Variants in NALF1 observed in about 807,000 individuals in gnomAD.
The protein encoded by NALF1 is family with sequence similarity 155 member A.
Under a neutral mutation model 48.4 loss-of-function variants are expected in NALF1, and 3 were observed. The observed-to-expected ratio is 0.06, with a 90% CI of 0.03 to 0.16. NALF1 has a LOEUF of 0.16. Among genes scored for constraint, NALF1 ranks in the 10% least tolerant of loss-of-function variants. The probability of loss-of-function intolerance (pLI) is 1.00; values close to 1 mark genes in which losing one functional copy is unlikely to be tolerated. For synonymous variants in NALF1, 262 were observed against 245.7 expected, an observed-to-expected ratio of 1.07 and a Z score of -0.62; for missense variants, 526 against 571.5, an observed-to-expected ratio of 0.92 and a Z score of 0.81.
At chr13:107,679,724 T>C (rs2138494018) in intron 1 of NALF1, among the ~76,000 whole-genome samples, 1 of 152,210 alleles carries the variant, frequency 6.6e-6, no homozygotes, top group African/African-American at 2.4e-5. Context: ...CCTTCCCTGG[T>C]GCCTCCATTT....
At chr13:107,325,781 T>C (rs1014875849) in intron 1 of NALF1, among the ~76,000 whole-genome samples, 2 of 147,160 alleles carry the variant, frequency 1.4e-5, no homozygotes, top group Admixed American at 1.4e-4. Flanking sequence ...GCGGAAGTTG[T>C]AGTGAAGCAA....
intron 1 of NALF1, among the ~76,000 whole-genome samples, chr13:107,471,516 T>C (rs1031521829): frequency 2.6e-5 from 4 of 152,110 alleles, no homozygotes; most frequent in African/African-American, 9.7e-5. Context: ...TTGTGGGACT[T>C]ATTTAGAAAG....
At chr13:107,453,265 T>A (rs1884772440) in intron 1 of NALF1, among the ~76,000 whole-genome samples, 1 of 152,216 alleles carries the variant, frequency 6.6e-6, no homozygotes, top group Admixed American at 6.5e-5. Context: ...AGGTTCTCCA[T>A]GAGGGCTCCG....
chr13:107,829,127 C>T (rs1466110605), intron 1 of NALF1, among the ~76,000 whole-genome samples: 1 of 152,154 alleles, frequency 6.6e-6, no homozygotes, highest in Non-Finnish European at 1.5e-5. Context: ...GAAAGAAAGG[C>T]ATATGAAATA....
At chr13:107,641,446 G>A (rs1041790950) in intron 1 of NALF1, among the ~76,000 whole-genome samples, 2 of 151,956 alleles carry the variant, frequency 1.3e-5, no homozygotes, top group Non-Finnish European at 2.9e-5. Context: ...TTGAGGTGAT[G>A]GATAAGTCCA....
At chr13:107,438,856 A>AAAAT (rs1555301014) in intron 1 of NALF1, among the ~76,000 whole-genome samples, 1 of 130,360 alleles carries the variant, frequency 7.7e-6, no homozygotes, top group African/African-American at 2.7e-5. Flanking sequence ...AAAAAAGAAT[A>AAAAT]ATATAAAGGG....
intron 1 of NALF1, among the ~76,000 whole-genome samples, chr13:107,725,593 C>A (rs1396477370): frequency 6.6e-6 from 1 of 152,010 alleles, no homozygotes; most frequent in Non-Finnish European, 1.5e-5. Flanking sequence ...CGCCTGTAGT[C>A]CCAGCTACTT....
At chr13:107,671,418 A>G (rs753215835) in intron 1 of NALF1, among the ~76,000 whole-genome samples, 2 of 152,140 alleles carry the variant, frequency 1.3e-5, no homozygotes, top group Non-Finnish European at 2.9e-5. Context: ...TTAAGAATGA[A>G]AAAGAGTCAG....
chr13:107,485,376 T>C (rs994830652), intron 1 of NALF1, among the ~76,000 whole-genome samples: 1 of 152,128 alleles, frequency 6.6e-6, no homozygotes, highest in Non-Finnish European at 1.5e-5. Context: ...TTCCCAGCAT[T>C]CTAAAGTTTC....
At chr13:107,245,992 T>TC (rs1880576036) in intron 1 of NALF1, among the ~76,000 whole-genome samples, 1 of 151,744 alleles carries the variant, frequency 6.6e-6, no homozygotes, top group Non-Finnish European at 1.5e-5. Flanking sequence ...TCTCCACAAA[T>TC]CAACTCATCT....
chr13:107,489,002 T>C (rs1885373518), intron 1 of NALF1, among the ~76,000 whole-genome samples: 1 of 152,106 alleles, frequency 6.6e-6, no homozygotes, highest in Admixed American at 6.6e-5. Flanking sequence ...AGTCAAATCA[T>C]GAATGGACTC....
chr13:107,203,402 C>G (rs1418141008), intron 2 of NALF1, among the ~76,000 whole-genome samples: 1 of 152,190 alleles, frequency 6.6e-6, no homozygotes, highest in Non-Finnish European at 1.5e-5. Context: ...AGAAGAGACT[C>G]ACCAGCTCAG....
At chr13:107,611,624 A>G (rs1300151871) in intron 1 of NALF1, among the ~76,000 whole-genome samples, 1 of 152,178 alleles carries the variant, frequency 6.6e-6, no homozygotes, top group Non-Finnish European at 1.5e-5. Flanking sequence ...TCACGCCTGT[A>G]ATCTTAGCCA....
intron 2 of NALF1, among the ~76,000 whole-genome samples, chr13:107,184,056 C>A (rs1297771836): frequency 6.6e-6 from 1 of 151,476 alleles, no homozygotes; most frequent in Non-Finnish European, 1.5e-5. Context: ...TGGCTCACGG[C>A]AACCTCTGCC....
At chr13:107,773,619 C>T (rs766174243) in intron 1 of NALF1, among the ~76,000 whole-genome samples, 6 of 149,890 alleles carry the variant, frequency 4.0e-5, no homozygotes, top group Non-Finnish European at 8.9e-5. Flanking sequence ...CTTTGATTTC[C>T]TTATCATTTA....
intron 1 of NALF1, among the ~76,000 whole-genome samples, chr13:107,598,929 T>C (rs1172960291): frequency 2.0e-5 from 3 of 152,216 alleles, no homozygotes; most frequent in African/African-American, 7.2e-5. Flanking sequence ...TGGTGTCTTC[T>C]TGCTTTTTGC....
intron 1 of NALF1, among the ~76,000 whole-genome samples, chr13:107,348,261 T>G (rs1391344723): frequency 1.3e-5 from 2 of 152,216 alleles, no homozygotes; most frequent in Non-Finnish European, 2.9e-5. Flanking sequence ...ATCAAATAAT[T>G]TAATTTAGCT....
At chr13:107,449,962 G>A (rs1185084350) in intron 1 of NALF1, among the ~76,000 whole-genome samples, 1 of 152,086 alleles carries the variant, frequency 6.6e-6, no homozygotes, top group Non-Finnish European at 1.5e-5. Flanking sequence ...GGGTACTCTG[G>A]CCAGAGTTGG....
In NALF1 at chr13:107,465,925, T is replaced by C. The variant is rs542555101; in HGVS notation, c.916-255170A>G. On this transcript the variant is annotated intron_variant, in intron 1 of 2. Coordinates refer to ENST00000375915, the MANE Select transcript of NALF1 (RefSeq NM_001080396.3). ...ATTCACATTCATAAGGGCTCCACTT[T>C]CATGACTGTATTAGTCTGTTTTCAC... The C allele has an allele frequency of 2.6e-5, 4 of 152,558 alleles. No homozygotes were observed. The South Asian group carries it at 8.1e-4, about 31-fold the overall frequency. The allele number at this position is 152,558 out of a possible 1,614,324, so 9.5% of individuals were successfully genotyped here. A position where few individuals can be genotyped will look rare whatever the true frequency, so the allele number is the denominator to read the frequency against.
Sources: gnomAD v4.1 joint callset for allele counts (sites outside exome capture counted in the v4.1 genomes callset) on GRCh38, gnomAD v4.1.1 for gene constraint, MANE v1.5 for transcripts, NCBI Gene and HGNC (gene_info 2026-07-23, HGNC 2026-07-21) for gene names.